COMMD1: variants seen among roughly 807,000 people sequenced by gnomAD.
COMMD1 encodes copper metabolism domain containing 1.
In COMMD1, 10 loss-of-function variants were observed where a neutral mutation model predicts 17.2. That is an observed-to-expected ratio of 0.58 (90% confidence interval 0.36 to 0.99). The LOEUF (loss-of-function observed/expected upper bound fraction) is 0.99, where lower values mean the gene tolerates loss of function less well. Among genes scored for constraint, COMMD1 ranks in the 50% least tolerant of loss-of-function variants. The pLI is 0.01. For missense variants in COMMD1, 270 were observed against 231.8 expected (o/e 1.17, Z -1.07); for synonymous variants, 97 against 91.6 (o/e 1.06, Z -0.34).
intron 1 of COMMD1, among the ~76,000 whole-genome samples, chr2:61,994,393 G>A (rs1292200179): frequency 6.6e-6 from 1 of 152,210 alleles, no homozygotes; most frequent in African/African-American, 2.4e-5. Flanking sequence ...TATCTTTAAT[G>A]TACCAGAAAG....
chr2:62,006,111 C>T (rs1179953502), intron 2 of COMMD1, among the ~76,000 whole-genome samples: 1 of 145,630 alleles, frequency 6.9e-6, no homozygotes, highest in Non-Finnish European at 1.5e-5. Context: ...AACCAAACAC[C>T]GCATGTTCTC....
chr2:61,914,118 G>C (rs1230408203), intron 1 of COMMD1, among the ~76,000 whole-genome samples: 1 of 152,060 alleles, frequency 6.6e-6, no homozygotes, highest in South Asian at 2.1e-4. Context: ...CTTGCAGTGA[G>C]CGGAGATTGC....
At chr2:61,899,006 G>C (rs1026137606) in intron 1 of COMMD1, among the ~76,000 whole-genome samples, 6 of 152,156 alleles carry the variant, frequency 3.9e-5, no homozygotes, top group Non-Finnish European at 8.8e-5. Context: ...GCAGCCCCTG[G>C]TGGCACAGGA....
chr2:62,096,787 T>C (rs915170262), intron 2 of COMMD1, among the ~76,000 whole-genome samples: 7 of 152,254 alleles, frequency 4.6e-5, no homozygotes, highest in Non-Finnish European at 7.3e-5. Flanking sequence ...TTTGACACTT[T>C]GTGTCCCCTA....
chr2:62,132,745 A>T (rs576721162), intron 2 of COMMD1, among the ~76,000 whole-genome samples: 1 of 152,064 alleles, frequency 6.6e-6, no homozygotes, highest in Non-Finnish European at 1.5e-5. Flanking sequence ...GCCACTCAGG[A>T]GGCTGAGGCA....
At chr2:62,020,673 T>A (rs564656480) in intron 2 of COMMD1, among the ~76,000 whole-genome samples, 12 of 152,316 alleles carry the variant, frequency 7.9e-5, no homozygotes, top group Admixed American at 4.6e-4. Context: ...GAAATTCCGC[T>A]GAGAGGCAAT....
intron 1 of COMMD1, among the ~76,000 whole-genome samples, chr2:61,958,515 C>T (rs1199227678): frequency 6.6e-6 from 1 of 152,144 alleles, no homozygotes; most frequent in East Asian, 1.9e-4. Context: ...GATCCACCCG[C>T]CTTGGCCTCC....
intron 1 of COMMD1, among the ~76,000 whole-genome samples, chr2:61,997,641 T>TA (rs1203731326): frequency 1.3e-5 from 2 of 152,238 alleles, no homozygotes; most frequent in African/African-American, 2.4e-5. Flanking sequence ...TGTAAACAGA[T>TA]ATGCTGTTTA....
At chr2:62,130,511 A>AT (rs1673001783) in intron 2 of COMMD1, among the ~76,000 whole-genome samples, 2 of 152,158 alleles carry the variant, frequency 1.3e-5, no homozygotes, top group Non-Finnish European at 2.9e-5. Context: ...CAAATTTATC[A>AT]TTTTTAAAAG....
intron 1 of COMMD1, among the ~76,000 whole-genome samples, chr2:61,907,774 T>TCCGCCTC (rs1669809373): frequency 1.3e-5 from 2 of 152,162 alleles, no homozygotes; most frequent in African/African-American, 4.8e-5. Flanking sequence ...CTCTACAACC[T>TCCGCCTC]CCGCCTCCCG....
intron 1 of COMMD1, among the ~76,000 whole-genome samples, chr2:61,957,461 G>A (rs1671228205): frequency 6.6e-6 from 1 of 151,940 alleles, no homozygotes. Flanking sequence ...AGTCTTTTTT[G>A]TGACTGTGGT....
chr2:61,983,417 C>T lies in COMMD1; in HGVS notation c.181-17284C>T, dbSNP rs111934386. 2.0e-3 allele frequency among the ~76,000 whole-genome samples: 300 copies of T among 152,146 alleles called. 1 individual carries two copies. The highest frequency in any genetic ancestry group is 7.0e-3 in the African/African-American group (290 of 41,518). ...TGTTAGCCAGGATGGTGTCAATCTC[C>T]TTGACCTCGTGATCCGACCGCCTCG... On this transcript the variant is annotated intron_variant, in intron 1 of 2. Coordinates refer to ENST00000311832, the MANE Select transcript of COMMD1 (RefSeq NM_152516.4).
intron 2 of COMMD1, among the ~76,000 whole-genome samples, chr2:62,118,473 A>G (rs1308192843): frequency 1.3e-5 from 2 of 152,252 alleles, no homozygotes; most frequent in African/African-American, 2.4e-5. Context: ...TATTTGAGTT[A>G]GAGAGATTTG....
chr2:61,987,920 C>G (rs769314746), intron 1 of COMMD1, among the ~76,000 whole-genome samples: 5 of 152,208 alleles, frequency 3.3e-5, no homozygotes, highest in Non-Finnish European at 5.9e-5. Flanking sequence ...CTCCCCTTCT[C>G]CCAGGCAGGA....
intron 1 of COMMD1, among the ~76,000 whole-genome samples, chr2:61,909,559 G>A (rs950889778): frequency 1.3e-5 from 2 of 152,166 alleles, no homozygotes; most frequent in African/African-American, 4.8e-5. Context: ...ACAATATGGG[G>A]GTAACCAATG....
intron 2 of COMMD1, among the ~76,000 whole-genome samples, chr2:62,114,615 G>T (rs1264076263): frequency 1.3e-5 from 2 of 152,236 alleles, no homozygotes; most frequent in African/African-American, 4.8e-5. Flanking sequence ...CCTGCTTTTA[G>T]TCAGTGCTCA....
At chr2:62,070,836 C>T (rs773393182) in intron 2 of COMMD1, among the ~76,000 whole-genome samples, 12 of 152,194 alleles carry the variant, frequency 7.9e-5, no homozygotes, top group Non-Finnish European at 1.6e-4. Flanking sequence ...TAAAGACCAG[C>T]CTGGCTAACT....
At chr2:61,897,189 A>G (rs1669567237) in intron 1 of COMMD1, among the ~76,000 whole-genome samples, 1 of 152,112 alleles carries the variant, frequency 6.6e-6, no homozygotes, top group African/African-American at 2.4e-5. Flanking sequence ...TGTATTAAAA[A>G]ACCTTGTTAA....
chr2:62,052,172 C>T (rs1670554378), intron 2 of COMMD1, among the ~76,000 whole-genome samples: 1 of 152,038 alleles, frequency 6.6e-6, no homozygotes. Context: ...AGAAATTGGC[C>T]CAGCACGGTG....
Sources: allele counts gnomAD v4.1 joint callset (sites outside exome capture counted in the v4.1 genomes callset), GRCh38; gene constraint gnomAD v4.1.1; transcripts MANE v1.5; gene names NCBI Gene and HGNC (gene_info 2026-07-23, HGNC 2026-07-21).